The following PHF12 variants were observed in gnomAD, a reference collection of about 807,000 sequenced individuals.
PHF12 encodes the protein PHD factor 1.
Under a neutral mutation model 99.8 loss-of-function variants are expected in PHF12, and 6 were observed. The observed-to-expected ratio is 0.06, with a 90% CI of 0.03 to 0.12. The LOEUF (loss-of-function observed/expected upper bound fraction) is 0.12. Ranked by LOEUF, PHF12 falls within the 10% of genes least tolerant of loss-of-function variation. The probability of loss-of-function intolerance (pLI) is 1.00; values close to 1 mark genes in which losing one functional copy is unlikely to be tolerated. For synonymous variants in PHF12, 480 were observed against 514.9 expected, an observed-to-expected ratio of 0.93 and a Z score of 0.92; for missense variants, 954 against 1,300.1, an observed-to-expected ratio of 0.73 and a Z score of 4.09.
chr17:28,948,584 C>A (rs547666950), intron 2 of PHF12, among the ~76,000 whole-genome samples: 26 of 152,202 alleles, frequency 1.7e-4, no homozygotes, highest in Non-Finnish European at 3.7e-4. Flanking sequence ...ATGGGAGTTT[C>A]CTACATAACT....
At chr17:28,939,151 T>C (rs1183787659) in intron 2 of PHF12, among the ~76,000 whole-genome samples, 1 of 152,248 alleles carries the variant, frequency 6.6e-6, no homozygotes, top group Non-Finnish European at 1.5e-5. Context: ...GCATTTCCTT[T>C]GGTATGACAG....
intron 7 of PHF12, among the ~76,000 whole-genome samples, chr17:28,916,483 A>G (rs1381738043): frequency 1.3e-5 from 2 of 152,250 alleles, no homozygotes; most frequent in African/African-American, 2.4e-5. Context: ...GGCGTGAGCC[A>G]CCGCGCCTGG....
At chr17:28,940,068 C>T (rs1294274807) in intron 2 of PHF12, among the ~76,000 whole-genome samples, 4 of 152,138 alleles carry the variant, frequency 2.6e-5, no homozygotes. Context: ...TGGGAGATAT[C>T]CCATAAAATT....
rs2040777637 is a variant in PHF12, at chr17:28,949,795, C to G, written c.248+270G>C. 2 of 352,420 alleles carry G rather than the reference C, an allele frequency of 5.7e-6. No individual in the cohort carries two copies. The highest frequency in any genetic ancestry group is 4.2e-5 in the African/African-American group (2 of 47,256). 21.8% of individuals were successfully genotyped at this position (352,420 alleles called of 1,614,324 possible). ...CCGGCTGTCCCCGGCCGGCTCTGTC[C>G]CGGCTCCCCAGCGACTTCCAATCCC... On this transcript the variant is annotated intron_variant, in intron 2 of 14. Coordinates refer to ENST00000332830, the MANE Select transcript of PHF12 (RefSeq NM_001033561.2). This position sits in a 1 kb window ranked among gnomAD's most constrained non-coding sequence, Gnocchi z 4.6.
At position 28,949,172 on chromosome 17, in the gene PHF12, T is replaced by C. The variant is rs2040765451; in HGVS notation, c.248+893A>G. On this transcript the variant is annotated intron_variant, in intron 2 of 14. Transcript: ENST00000332830. This position sits in a 1 kb window ranked among gnomAD's most constrained non-coding sequence, Gnocchi z 4.6. ...GCCTTTCTAGTGCCACCGCACACAATCCTCCCTCTGGCAGCAAAGAATTTT... is the reference window on the plus strand; with the variant it reads ...GCCTTTCTAGTGCCACCGCACACAACCCTCCCTCTGGCAGCAAAGAATTTT... Among the ~76,000 whole-genome samples, 1 of 151,988 alleles carries C rather than the reference T, an allele frequency of 6.6e-6. No homozygotes were observed. Among genetic ancestry groups the C allele is most frequent in the Admixed American group, 6.6e-5 (1 of 15,266 alleles).
At chr17:28,923,046 C>CAAA (rs571734249) in intron 4 of PHF12, among the ~76,000 whole-genome samples, 1 of 129,350 alleles carries the variant, frequency 7.7e-6, no homozygotes, top group African/African-American at 2.9e-5. Flanking sequence ...GCCTCTGTCT[C>CAAA]AAAAAAAAAA....
Position 28,911,174 on chromosome 17 carries a change from G to A in PHF12, c.2153C>T (p.Ala718Val). ...GSALTVPSFP[A>V]NSTAMVDLTN... ...GAGGTCCACCATGGCAGTAGAGTTG[G>A]CTGGGAAAGAGGGTACGGTTAAAGC... The change falls in exon 10 of 15, where the codon GCC (alanine) becomes GTC (valine). Residue 718 changes from alanine (A) to valine (V), a missense_variant. Coordinates refer to ENST00000332830, the MANE Select transcript of PHF12 (RefSeq NM_001033561.2). 1 of 1,614,212 alleles carries A rather than the reference G, an allele frequency of 6.2e-7. No individual in the cohort carries two copies. Among genetic ancestry groups the A allele is most frequent in the Non-Finnish European group, 8.5e-7 (1 of 1,180,038 alleles).
In PHF12 at chr17:28,906,695, G is replaced by A. The variant is rs557773209; in HGVS notation, c.2680+161C>T. 5.2e-4 allele frequency: 643 copies of A among 1,228,954 alleles called. 2 individuals carry two copies. Among genetic ancestry groups the A allele is most frequent in the Admixed American group, 1.1e-3 (40 of 37,262 alleles). The allele number at this position is 1,228,954 out of a possible 1,614,324, so 76.1% of individuals were successfully genotyped here. A position where few individuals can be genotyped will look rare whatever the true frequency, so the allele number is the denominator to read the frequency against. ...CCCCACAGGTGTGTACACACATGGG[G>A]GTACTCAGCACTTGCTTCTCTGTGG... On this transcript the variant is annotated intron_variant, in intron 14 of 14. Coordinates refer to ENST00000332830, the MANE Select transcript of PHF12 (RefSeq NM_001033561.2). The surrounding 1 kb of genome is among the most constrained non-coding windows in gnomAD (Gnocchi z 4.2).
chr17:28,914,042 T>A lies in PHF12; in HGVS notation c.1135-5A>T. On this transcript the variant is annotated splice_region_variant and splice_polypyrimidine_tract_variant and intron_variant, in intron 7 of 14. Coordinates refer to ENST00000332830, the MANE Select transcript of PHF12 (RefSeq NM_001033561.2). ...AGATTTTATAGCATCAGGAACCTGT[T>A]CAGGATAGATAGAAGGAGGAAGGAG... is the stretch of plus-strand genomic sequence containing the variant. 6.3e-7 allele frequency: 1 copy of A among 1,596,112 alleles called. No homozygotes were observed. The highest frequency in any genetic ancestry group is 1.3e-5 in the African/African-American group (1 of 74,684).
At chr17:28,940,402 T>A (rs936593594) in intron 2 of PHF12, among the ~76,000 whole-genome samples, 6 of 152,242 alleles carry the variant, frequency 3.9e-5, no homozygotes, top group Admixed American at 2.0e-4. Flanking sequence ...GGACTCACTC[T>A]CTGAGTGAGC....
Position 28,926,638 on chromosome 17 carries a change from T to C in PHF12, c.321+353A>G, listed in dbSNP as rs913646670. Reference sequence around the variant, plus strand: ...TACCAGTGACTTATTTGCCCTGGGGTGAGAGAAAACTCCATTTTCCATCAA... The same window carrying C: ...TACCAGTGACTTATTTGCCCTGGGGCGAGAGAAAACTCCATTTTCCATCAA... On this transcript the variant is annotated intron_variant, in intron 3 of 14. Coordinates refer to ENST00000332830, the MANE Select transcript of PHF12 (RefSeq NM_001033561.2). 15 of 521,906 alleles carry C rather than the reference T, an allele frequency of 2.9e-5. No individual in the cohort carries two copies. In the African/African-American group the frequency reaches 3.0e-4, roughly 10 times the overall value. The allele number at this position is 521,906 out of a possible 1,614,324, so 32.3% of individuals were successfully genotyped here. A position where few individuals can be genotyped will look rare whatever the true frequency, so the allele number is the denominator to read the frequency against.
chr17:28,950,882 G>C lies in PHF12; in HGVS notation c.66+13C>G. The C allele has an allele frequency of 6.2e-7, 1 of 1,612,366 alleles. No homozygotes were observed. ...CGGCGCTGGAGGAAGGAGATGAGGAGGGCCACTCTTACCTCCATCAGCCCC... is the reference window on the plus strand; with the variant it reads ...CGGCGCTGGAGGAAGGAGATGAGGACGGCCACTCTTACCTCCATCAGCCCC... On this transcript the variant is annotated intron_variant, in intron 1 of 14. Coordinates refer to ENST00000332830, the MANE Select transcript of PHF12 (RefSeq NM_001033561.2). This position sits in a 1 kb window ranked among gnomAD's most constrained non-coding sequence, Gnocchi z 5.7.
intron 2 of PHF12, among the ~76,000 whole-genome samples, chr17:28,928,991 G>A (rs2040339769): frequency 6.6e-6 from 1 of 151,788 alleles, no homozygotes; most frequent in African/African-American, 2.4e-5. Flanking sequence ...AGCTACTCAG[G>A]AGGCCGAGGC....
In PHF12 at chr17:28,950,340, C is replaced by G. The variant is rs759501261; in HGVS notation, c.67-94G>C. ...CGGTTTCTCCGTCACCCACCCCTCT[C>G]CCCCCTTTTGTCCTTCTTCCTCCCA... is the stretch of plus-strand genomic sequence containing the variant. On this transcript the variant is annotated intron_variant, in intron 1 of 14. Coordinates refer to ENST00000332830, the MANE Select transcript of PHF12 (RefSeq NM_001033561.2). The surrounding 1 kb of genome is among the most constrained non-coding windows in gnomAD (Gnocchi z 5.7). 1.3e-5 allele frequency: 17 copies of G among 1,342,512 alleles called. 1 individual carries two copies. In the South Asian group the frequency reaches 2.3e-4, roughly 18 times the overall value. The allele number at this position is 1,342,512 out of a possible 1,614,324, so 83.2% of individuals were successfully genotyped here. A position where few individuals can be genotyped will look rare whatever the true frequency, so the allele number is the denominator to read the frequency against.
At chr17:28,923,881 G>A in intron 4 of PHF12, 28 bp downstream of exon 4, 1 of 1,578,392 alleles carries the variant, frequency 6.3e-7, no homozygotes, top group Non-Finnish European at 8.6e-7. Context: ...CTGGGGTTGG[G>A]AAGGGATATG....
At position 28,914,282 on chromosome 17, in the gene PHF12, A is replaced by G. The variant is rs564256413; in HGVS notation, c.1135-245T>C. 5.3e-5 allele frequency among the ~76,000 whole-genome samples: 8 copies of G among 152,226 alleles called. No individual in the cohort carries two copies. In the East Asian group the frequency reaches 1.5e-3, roughly 29 times the overall value. On this transcript the variant is annotated intron_variant, in intron 7 of 14. Transcript: ENST00000332830. ...GTTCTGTCTTCTGCTTTAGCCTGAA[A>G]GGTGTAAGACTGGCACTGGACAGGG... is the stretch of plus-strand genomic sequence containing the variant.
chr17:28,907,735 G>A (rs372423347), intron 12 of PHF12, 63 bp from the exon 13 acceptor site: 149 of 1,507,402 alleles, frequency 9.9e-5, no homozygotes, highest in East Asian at 5.2e-4. Flanking sequence ...TGCATGTGTC[G>A]GGGAGGTAAG....
intron 2 of PHF12, among the ~76,000 whole-genome samples, chr17:28,948,750 A>C (rs1395512180): frequency 6.6e-6 from 1 of 152,226 alleles, no homozygotes; most frequent in Non-Finnish European, 1.5e-5. Context: ...AATTTCACTT[A>C]AAACAAAATA....
At chr17:28,942,600 G>A (rs1313019189) in intron 2 of PHF12, among the ~76,000 whole-genome samples, 4 of 151,916 alleles carry the variant, frequency 2.6e-5, no homozygotes, top group African/African-American at 7.3e-5. Flanking sequence ...GGCAGATCAC[G>A]AGGTCAGGAG....
Sources: allele counts gnomAD v4.1 joint callset (sites outside exome capture counted in the v4.1 genomes callset), GRCh38; gene constraint gnomAD v4.1.1; non-coding constraint Gnocchi (gnomAD v3.1); transcripts MANE v1.5; gene names NCBI Gene and HGNC (gene_info 2026-07-23, HGNC 2026-07-21).